LRP1B: variants seen among roughly 807,000 people sequenced by gnomAD.
LRP1B encodes LDL receptor related protein 1B, also known as low-density lipoprotein receptor-related protein 1B.
Under a neutral mutation model 556.6 loss-of-function variants are expected in LRP1B, and 217 were observed. The observed-to-expected ratio is 0.39, with a 90% CI of 0.35 to 0.44. The LOEUF (loss-of-function observed/expected upper bound fraction) is 0.44, where lower values mean the gene tolerates loss of function less well. Among genes scored for constraint, LRP1B ranks in the 20% least tolerant of loss-of-function variants. LRP1B has a pLI of 1.00. For missense variants in LRP1B, 5,053 were observed against 5,620.8 expected (o/e 0.90, Z 3.23); for synonymous variants, 2,047 against 1,865.8 (o/e 1.10, Z -2.50).
At chr2:141,203,728 A>G (rs1316362850) in intron 6 of LRP1B, among the ~76,000 whole-genome samples, 1 of 152,204 alleles carries the variant, frequency 6.6e-6, no homozygotes, top group Non-Finnish European at 1.5e-5. Flanking sequence ...CAGAATATAC[A>G]TTCTTCTCAG....
At chr2:141,711,757 T>A (rs946531752) in intron 2 of LRP1B, among the ~76,000 whole-genome samples, 1 of 152,134 alleles carries the variant, frequency 6.6e-6, no homozygotes, top group Non-Finnish European at 1.5e-5. Context: ...TCCCTTTGGA[T>A]CTTCCTACCC....
chr2:140,500,548 T>C (rs1689139453), intron 55 of LRP1B, among the ~76,000 whole-genome samples: 1 of 151,982 alleles, frequency 6.6e-6, no homozygotes, highest in African/African-American at 2.4e-5. Flanking sequence ...TATGAAGTGT[T>C]CTATCATTAG....
intron 2 of LRP1B, among the ~76,000 whole-genome samples, chr2:141,576,306 TA>T (rs201099525): frequency 0.044 from 6,641 of 152,280 alleles, 235 homozygotes; most frequent in East Asian, 0.14. Flanking sequence ...GTAGCTATCA[TA>T]CTCAGCAAAC....
chr2:141,574,483 C>G (rs1237276112), intron 2 of LRP1B, among the ~76,000 whole-genome samples: 11 of 151,396 alleles, frequency 7.3e-5, no homozygotes, highest in Admixed American at 7.3e-4. Flanking sequence ...CCCACAGCGT[C>G]AGTATCATTC....
chr2:140,967,079 G>T (rs1351650729), intron 18 of LRP1B, among the ~76,000 whole-genome samples: 2 of 152,060 alleles, frequency 1.3e-5, no homozygotes, highest in Non-Finnish European at 2.9e-5. Flanking sequence ...GTTCTATGAA[G>T]AAACTCATTG....
At chr2:142,011,511 C>CA (rs771596004) in intron 1 of LRP1B, among the ~76,000 whole-genome samples, 4 of 152,150 alleles carry the variant, frequency 2.6e-5, no homozygotes, top group Non-Finnish European at 5.9e-5. Flanking sequence ...CTTCAGGTGA[C>CA]AAAGTAGTTT....
chr2:140,408,501 A>AT, intron 66 of LRP1B, among the ~76,000 whole-genome samples: 1 of 151,976 alleles, frequency 6.6e-6, no homozygotes, highest in Middle Eastern at 3.4e-3. Flanking sequence ...ACAAGGAATA[A>AT]TTTTTTTAAG....
intron 2 of LRP1B, among the ~76,000 whole-genome samples, chr2:141,545,396 C>A (rs187330122): frequency 7.2e-5 from 11 of 152,266 alleles, no homozygotes; most frequent in African/African-American, 1.4e-4. Flanking sequence ...AAATAATGGG[C>A]CTTCAAAGAT....
intron 2 of LRP1B, among the ~76,000 whole-genome samples, chr2:141,658,999 G>A (rs967992282): frequency 6.6e-6 from 1 of 152,120 alleles, no homozygotes; most frequent in African/African-American, 2.4e-5. Context: ...GACCTCCAGG[G>A]CCCAAGCAAT....
At chr2:141,712,524 C>A (rs1409843295) in intron 2 of LRP1B, among the ~76,000 whole-genome samples, 1 of 152,036 alleles carries the variant, frequency 6.6e-6, no homozygotes, top group Non-Finnish European at 1.5e-5. Flanking sequence ...TATCTCAGTG[C>A]TCTGACTTAT....
intron 2 of LRP1B, among the ~76,000 whole-genome samples, chr2:141,773,930 G>A (rs1027373385): frequency 3.3e-5 from 5 of 152,076 alleles, no homozygotes; most frequent in African/African-American, 1.2e-4. Flanking sequence ...AAAAACGCAG[G>A]TATCAGTGTT....
intron 2 of LRP1B, among the ~76,000 whole-genome samples, chr2:141,539,011 A>G (rs1226976818): frequency 1.3e-5 from 2 of 152,206 alleles, no homozygotes; most frequent in African/African-American, 4.8e-5. Context: ...ATATTCAATA[A>G]GCTACATGCT....
chr2:140,993,082 T>TA (rs1304406974), intron 16 of LRP1B, among the ~76,000 whole-genome samples: 1 of 151,968 alleles, frequency 6.6e-6, no homozygotes, highest in Non-Finnish European at 1.5e-5. Context: ...TGCCCATTCT[T>TA]AAAAAAGATC....
At chr2:140,258,868 C>T (rs1402051003) in intron 86 of LRP1B, among the ~76,000 whole-genome samples, 1 of 152,098 alleles carries the variant, frequency 6.6e-6, no homozygotes, top group Non-Finnish European at 1.5e-5. Flanking sequence ...ATTGAAAAAT[C>T]TTTGTCTTCC....
intron 2 of LRP1B, among the ~76,000 whole-genome samples, chr2:141,560,008 C>A: frequency 6.6e-6 from 1 of 151,618 alleles, no homozygotes; most frequent in East Asian, 1.9e-4. Context: ...GTACCCTTAA[C>A]TTCAGACTAA....
At chr2:141,911,850 A>T (rs369805068) in intron 1 of LRP1B, among the ~76,000 whole-genome samples, 2 of 38,008 alleles carry the variant, frequency 5.3e-5, no homozygotes, top group East Asian at 0.083. Flanking sequence ...CCTGTGGAAG[A>T]GTCTCAAATA....
rs764826231 is a variant in LRP1B, at chr2:140,256,449, C to CTTTTT, written c.13248-9292_13248-9288dup. On this transcript the variant is annotated intron_variant, in intron 86 of 90. Coordinates refer to ENST00000389484, the MANE Select transcript of LRP1B (RefSeq NM_018557.3). ...GGTTTTCTTTTCTCTTTTTTCCTTC[C>CTTTTT]TTTTTTTTTTTTTTTTTTTTTTTTT... is the stretch of plus-strand genomic sequence containing the variant. Among the ~76,000 whole-genome samples, 2 of 25,332 alleles carry CTTTTT rather than the reference C, an allele frequency of 7.9e-5. 1 individual carries two copies. Among genetic ancestry groups the CTTTTT allele is most frequent in the African/African-American group, 2.6e-4 (2 of 7,734 alleles). 16.6% of individuals were successfully genotyped at this position (25,332 alleles called of 152,430 possible). A position where few individuals can be genotyped will look rare whatever the true frequency, so the allele number is the denominator to read the frequency against.
chr2:141,628,629 A>G (rs1688787848), intron 2 of LRP1B, among the ~76,000 whole-genome samples: 3 of 152,194 alleles, frequency 2.0e-5, no homozygotes, highest in Admixed American at 6.5e-5. Context: ...AGAAGCTATA[A>G]TAAGTTTCTG....
At chr2:141,784,316 A>G (rs145257231) in intron 2 of LRP1B, among the ~76,000 whole-genome samples, 1 of 152,096 alleles carries the variant, frequency 6.6e-6, no homozygotes, top group Non-Finnish European at 1.5e-5. Flanking sequence ...TATATATGGT[A>G]TGCATATATA....
Sources: allele counts gnomAD v4.1 joint callset (sites outside exome capture counted in the v4.1 genomes callset), GRCh38; gene constraint gnomAD v4.1.1; transcripts MANE v1.5; gene names NCBI Gene and HGNC (gene_info 2026-07-23, HGNC 2026-07-21).